Variants in SPAG16 observed in about 807,000 individuals in gnomAD.
SPAG16 encodes the protein sperm-associated antigen 16 protein.
A neutral mutation model predicts 80.4 loss-of-function variants in SPAG16; 86 were observed. That is an observed-to-expected ratio of 1.07 (90% CI 0.90 to 1.28). The LOEUF (loss-of-function observed/expected upper bound fraction) is 1.28, where lower values mean the gene tolerates loss of function less well. SPAG16 is among the 50% of genes most tolerant of loss of function. SPAG16 has a pLI of 0.00. For missense variants in SPAG16, 870 were observed against 765.3 expected, an observed-to-expected ratio of 1.14 and a Z score of -1.61; for synonymous variants, 294 against 265.9, an observed-to-expected ratio of 1.11 and a Z score of -1.03.
chr2:213,636,682 G>A (rs1236507298), intron 10 of SPAG16, among the ~76,000 whole-genome samples: 1 of 152,096 alleles, frequency 6.6e-6, no homozygotes, highest in East Asian at 1.9e-4. Flanking sequence ...CCTTGGTTAG[G>A]TGGATTCCTA....
intron 14 of SPAG16, among the ~76,000 whole-genome samples, chr2:214,143,166 A>G (rs1449448817): frequency 4.6e-5 from 7 of 151,036 alleles, no homozygotes; most frequent in Non-Finnish European, 1.0e-4. Context: ...CAACTTAATT[A>G]AGCTTTCTGT....
intron 10 of SPAG16, among the ~76,000 whole-genome samples, chr2:213,629,986 GTCA>G (rs2062087505): frequency 6.6e-6 from 1 of 152,166 alleles, no homozygotes; most frequent in African/African-American, 2.4e-5. Flanking sequence ...TAACTAGTCT[GTCA>G]CTATTTTCTC....
intron 15 of SPAG16, among the ~76,000 whole-genome samples, chr2:214,295,723 G>A (rs575321881): frequency 1.3e-5 from 2 of 152,094 alleles, no homozygotes; most frequent in East Asian, 1.9e-4. Context: ...CCCAGGAGGC[G>A]GAGGTTGCAG....
At chr2:214,075,156 T>C (rs986734060) in intron 13 of SPAG16, among the ~76,000 whole-genome samples, 1 of 152,076 alleles carries the variant, frequency 6.6e-6, no homozygotes, top group African/African-American at 2.4e-5. Flanking sequence ...TTTCAGGTAT[T>C]TTCTCCCACT....
At chr2:214,268,473 A>G (rs1057346627) in intron 15 of SPAG16, among the ~76,000 whole-genome samples, 2 of 151,950 alleles carry the variant, frequency 1.3e-5, no homozygotes, top group Non-Finnish European at 1.5e-5. Context: ...TCAGCCTTAA[A>G]AAAGTAAATT....
chr2:213,687,482 T>C (rs1359811098), intron 10 of SPAG16, among the ~76,000 whole-genome samples: 1 of 152,206 alleles, frequency 6.6e-6, no homozygotes, highest in Non-Finnish European at 1.5e-5. Flanking sequence ...TTTCTTTGTC[T>C]GAAAGTACTT....
intron 12 of SPAG16, among the ~76,000 whole-genome samples, chr2:213,938,624 C>T (rs920970833): frequency 6.6e-6 from 1 of 151,838 alleles, no homozygotes; most frequent in Non-Finnish European, 1.5e-5. Context: ...ATCCCTAAAA[C>T]ATTGTTTTTG....
intron 10 of SPAG16, among the ~76,000 whole-genome samples, chr2:213,801,042 C>A (rs2071363826): frequency 6.6e-6 from 1 of 152,076 alleles, no homozygotes; most frequent in South Asian, 2.1e-4. Flanking sequence ...AATGCCAATA[C>A]TACAAATAAT....
At chr2:213,778,133 C>T (rs2069717890) in intron 10 of SPAG16, among the ~76,000 whole-genome samples, 1 of 151,710 alleles carries the variant, frequency 6.6e-6, no homozygotes, top group South Asian at 2.1e-4. Flanking sequence ...GTGTTTGATT[C>T]TTAAATATCC....
intron 12 of SPAG16, among the ~76,000 whole-genome samples, chr2:213,952,410 T>G (rs543355811): frequency 6.6e-6 from 1 of 152,128 alleles, no homozygotes; most frequent in African/African-American, 2.4e-5. Flanking sequence ...TTCCATATTT[T>G]CTATTAAAAT....
intron 15 of SPAG16, among the ~76,000 whole-genome samples, chr2:214,381,559 A>G (rs953525272): frequency 2.6e-5 from 4 of 152,266 alleles, no homozygotes; most frequent in African/African-American, 9.6e-5. Flanking sequence ...AATATAATGT[A>G]GAAATCAGAA....
chr2:213,436,665 A>C (rs982834666), intron 9 of SPAG16, among the ~76,000 whole-genome samples: 11 of 151,964 alleles, frequency 7.2e-5, no homozygotes, highest in African/African-American at 2.7e-4. Flanking sequence ...TGAGAAATTA[A>C]ATTATATGAA....
At chr2:213,956,118 G>A (rs916542721) in intron 12 of SPAG16, among the ~76,000 whole-genome samples, 5 of 151,672 alleles carry the variant, frequency 3.3e-5, no homozygotes, top group African/African-American at 4.8e-5. Flanking sequence ...ACCATGCCTG[G>A]CTAATTTTTG....
At chr2:214,226,521 C>T (rs1264432368) in intron 15 of SPAG16, among the ~76,000 whole-genome samples, 1 of 152,054 alleles carries the variant, frequency 6.6e-6, no homozygotes, top group Non-Finnish European at 1.5e-5. Flanking sequence ...ATATCTGTGA[C>T]AAGTGTCAAG....
intron 12 of SPAG16, among the ~76,000 whole-genome samples, chr2:213,995,245 T>C (rs184252161): frequency 6.6e-4 from 101 of 152,276 alleles, no homozygotes; most frequent in African/African-American, 2.2e-3. Context: ...GTGAGTATCA[T>C]GGACTATCTG....
intron 10 of SPAG16, among the ~76,000 whole-genome samples, chr2:213,804,868 G>C (rs950560985): frequency 3.9e-5 from 6 of 152,296 alleles, no homozygotes; most frequent in Non-Finnish European, 7.4e-5. Context: ...TAGGATGCTG[G>C]AGGCCAATTC....
chr2:213,467,713 T>G (rs1437500374), intron 9 of SPAG16, among the ~76,000 whole-genome samples: 1 of 152,174 alleles, frequency 6.6e-6, no homozygotes, highest in East Asian at 1.9e-4. Flanking sequence ...GCCCAAGGAC[T>G]CCTCAGTCCT....
At chr2:213,915,129 C>CT (rs111327225) in intron 11 of SPAG16, among the ~76,000 whole-genome samples, 65 of 146,610 alleles carry the variant, frequency 4.4e-4, no homozygotes, top group African/African-American at 7.0e-4. Context: ...CCCCCCACCT[C>CT]TTTTTTTTTT....
At chr2:213,377,022 CT>C (rs2066913050) in intron 9 of SPAG16, among the ~76,000 whole-genome samples, 1 of 151,964 alleles carries the variant, frequency 6.6e-6, no homozygotes, top group Admixed American at 6.6e-5. Context: ...TTCTGTTTTC[CT>C]AGATTATCTC....
Sources: allele counts gnomAD v4.1 joint callset (sites outside exome capture counted in the v4.1 genomes callset), GRCh38; gene constraint gnomAD v4.1.1; transcripts MANE v1.5; gene names NCBI Gene and HGNC (gene_info 2026-07-23, HGNC 2026-07-21).